The following PLEKHG5 variants were observed in gnomAD, a reference collection of about 807,000 sequenced individuals.
The protein encoded by PLEKHG5 is pleckstrin homology domain-containing family G member 5.
In PLEKHG5, 52 loss-of-function variants were observed where a neutral mutation model predicts 103.8. The ratio of observed to expected loss-of-function variants is 0.50; its 90% CI spans 0.40 to 0.63. The LOEUF is 0.63. Among genes scored for constraint, PLEKHG5 ranks in the 30% least tolerant of loss-of-function variants. PLEKHG5 has a pLI of 0.00. For missense variants in PLEKHG5, 1,205 were observed against 1,347.6 expected (o/e 0.89, Z 1.66); for synonymous variants, 592 against 575.5 (o/e 1.03, Z -0.41).
chr1:6,469,529 A>C lies in PLEKHG5; in HGVS notation c.1933+15T>G. 6.2e-7 allele frequency: 1 copy of C among 1,613,844 alleles called. No homozygotes were observed. The highest frequency in any genetic ancestry group is 8.5e-7 in the Non-Finnish European group (1 of 1,180,034). Reference sequence around the variant, plus strand: ...CACAGCCCCTGACCAGGAACAGGGGACCAGGGCTCCTTACCAGGGTCCCGT... The same window carrying C: ...CACAGCCCCTGACCAGGAACAGGGGCCCAGGGCTCCTTACCAGGGTCCCGT... On this transcript the variant is annotated intron_variant, in intron 17 of 20. Coordinates refer to ENST00000377728, the MANE Select transcript of PLEKHG5 (RefSeq NM_020631.6).
At chr1:6,489,688 C>A (rs74049590) in intron 1 of PLEKHG5, among the ~76,000 whole-genome samples, 7,916 of 152,232 alleles carry the variant, frequency 0.052, 657 homozygotes, top group African/African-American at 0.17. Flanking sequence ...AAAGAGGGCA[C>A]CTGCCTGGGC....
intron 1 of PLEKHG5, among the ~76,000 whole-genome samples, chr1:6,507,995 A>G (rs977224748): frequency 5.9e-5 from 9 of 152,108 alleles, no homozygotes; most frequent in Admixed American, 4.6e-4. Flanking sequence ...GGCCAGGGCC[A>G]GTGGGGTGGG....
In PLEKHG5 at chr1:6,467,990, G is replaced by A. The variant is rs765636442; in HGVS notation, c.2846C>T (p.Pro949Leu). Residue 949 changes from proline (P) to leucine (L), a missense_variant, in exon 20 of 21, where the codon CCT becomes CTT. Transcript: ENST00000377728. ...ACACCTCTTCCTGTGGGAGCCTGCA[G>A]GTTCCCCGGCCAGGCAGCCGACTAG... ...PGLVGCLAGE[P>L]AGSHRKRCGD... The A allele has an allele frequency of 1.0e-5, 16 of 1,555,072 alleles. No individual in the cohort carries two copies. The South Asian group carries it at 1.5e-4, about 15-fold the overall frequency.
chr1:6,478,956 A>G (rs1644831723), intron 1 of PLEKHG5, among the ~76,000 whole-genome samples: 1 of 151,798 alleles, frequency 6.6e-6, no homozygotes, highest in South Asian at 2.1e-4. Flanking sequence ...GTTTTAAAAT[A>G]TTTCAAACCT....
intron 5 of PLEKHG5, 181 bp downstream of exon 5, chr1:6,474,866 A>T: frequency 1.4e-6 from 1 of 710,590 alleles, no homozygotes; most frequent in Non-Finnish European, 2.6e-6. Flanking sequence ...AAGTACACAG[A>T]CCCCACCGCA....
rs973755260 is a variant in PLEKHG5 at position 6,491,500 on chromosome 1, C to T, written c.-88+137G>A. On this transcript the variant is annotated intron_variant, in intron 1 of 20. Transcript: ENST00000377728. The surrounding 1 kb of genome is among the most constrained non-coding windows in gnomAD (Gnocchi z 4.1). Reference sequence around the variant, plus strand: ...CCCGTTTCTTCAGCTGCAGATAGCCCCACCACCTCTCTCCGGGGACCAGTC... The same window carrying T: ...CCCGTTTCTTCAGCTGCAGATAGCCTCACCACCTCTCTCCGGGGACCAGTC... The T allele has an allele frequency of 1.3e-5, 3 of 224,482 alleles. No homozygotes were observed. Among genetic ancestry groups the T allele is most frequent in the African/African-American group, 2.4e-5 (1 of 42,468 alleles). The allele number at this position is 224,482 out of a possible 1,614,324, so 13.9% of individuals were successfully genotyped here.
chr1:6,517,846 G>T (rs1638665329), intron 1 of PLEKHG5, among the ~76,000 whole-genome samples: 1 of 152,224 alleles, frequency 6.6e-6, no homozygotes, highest in Non-Finnish European at 1.5e-5. Flanking sequence ...CCCAGACCAG[G>T]CTCCAACTCG....
upstream of PLEKHG5, among the ~76,000 whole-genome samples, chr1:6,501,223 C>T (rs913209664): frequency 5.3e-5 from 8 of 152,134 alleles, no homozygotes; most frequent in South Asian, 2.1e-4. The surrounding 1 kb of genome is among the most constrained non-coding windows in gnomAD (Gnocchi z 4.3). Flanking sequence ...GTCGCCCCAC[C>T]GCAGGCCCCT....
intron 1 of PLEKHG5, among the ~76,000 whole-genome samples, chr1:6,507,618 C>T (rs764727652): frequency 3.3e-5 from 5 of 151,802 alleles, no homozygotes; most frequent in Admixed American, 6.6e-5. Flanking sequence ...GCTCTGTTTC[C>T]GGGGGGCGGG....
In PLEKHG5 at chr1:6,490,962, A is replaced by G. The variant is rs1645142023; in HGVS notation, c.-88+675T>C. Among the ~76,000 whole-genome samples, 1 of 152,150 alleles carries G rather than the reference A, an allele frequency of 6.6e-6. No homozygotes were observed. The highest frequency in any genetic ancestry group is 1.5e-5 in the Non-Finnish European group (1 of 68,016). ...AAAAGCCCCGGGGGACCAGGCAGAG[A>G]GACCCGCAGGCCTAGCCCGCCCCGG... is the stretch of plus-strand genomic sequence containing the variant. On this transcript the variant is annotated intron_variant, in intron 1 of 20. Transcript: ENST00000377728. The surrounding 1 kb of genome is among the most constrained non-coding windows in gnomAD (Gnocchi z 8.0).
At position 6,487,148 on chromosome 1, in the gene PLEKHG5, C is replaced by T. The variant is rs187582449; in HGVS notation, c.-88+4489G>A. Reference sequence around the variant, plus strand: ...TGTTTGTTTTTGAGACGGAATCTTGCTCTGTCACTCACGTTGGAGTGCAGT... The same window carrying T: ...TGTTTGTTTTTGAGACGGAATCTTGTTCTGTCACTCACGTTGGAGTGCAGT... On this transcript the variant is annotated intron_variant, in intron 1 of 20. Transcript: ENST00000377728. This position sits in a 1 kb window ranked among gnomAD's most constrained non-coding sequence, Gnocchi z 4.1. 8.5e-5 allele frequency among the ~76,000 whole-genome samples: 13 copies of T among 152,214 alleles called. No individual in the cohort carries two copies. The highest frequency in any genetic ancestry group is 1.8e-4 in the Non-Finnish European group (12 of 68,040).
chr1:6,467,447 C>G lies in PLEKHG5; in HGVS notation c.*116G>C. ...GCCCGGGCGTAGGCAGGGATCCTGC[C>G]CAGCATCCGGCTCATGCATACAGGA... is the stretch of plus-strand genomic sequence containing the variant. On this transcript the variant is annotated 3_prime_UTR_variant, in exon 21 of 21. Coordinates refer to ENST00000377728, the MANE Select transcript of PLEKHG5 (RefSeq NM_020631.6). The G allele has an allele frequency of 9.3e-7, 1 of 1,076,082 alleles. No individual in the cohort carries two copies. Among genetic ancestry groups the G allele is most frequent in the Non-Finnish European group, 1.4e-6 (1 of 691,684 alleles). The allele number at this position is 1,076,082 out of a possible 1,614,324, so 66.7% of individuals were successfully genotyped here. A position where few individuals can be genotyped will look rare whatever the true frequency, so the allele number is the denominator to read the frequency against.
intron 1 of PLEKHG5, among the ~76,000 whole-genome samples, chr1:6,516,864 G>GT (rs1245576874): frequency 5.2e-5 from 1 of 19,366 alleles, no homozygotes; most frequent in East Asian, 1.3e-3. Context: ...GTGTATATAT[G>GT]TGTATATATA....
chr1:6,469,571 T>C lies in PLEKHG5; in HGVS notation c.1906A>G (p.Ile636Val), dbSNP rs1198946852. 1 of 1,613,834 alleles carries C rather than the reference T, an allele frequency of 6.2e-7. No homozygotes were observed. Among genetic ancestry groups the C allele is most frequent in the South Asian group, 1.1e-5 (1 of 91,078 alleles). ...VIRPPLLVDKIVCRELRDPGS... is the reference protein window; with the variant it reads ...VIRPPLLVDKVVCRELRDPGS... ...GGGTCCCGTAGCTCCCGGCACACAA[T>C]CTTGTCCACGAGCAGGGGTGGCCTG... Residue 636 changes from isoleucine to valine, a missense_variant, in exon 17 of 21, where the codon ATT becomes GTT. Transcript: ENST00000377728.
At position 6,468,444 on chromosome 1, in the gene PLEKHG5, G is replaced by A. The variant is rs1644463346; in HGVS notation, c.2392C>T (p.Pro798Ser). ...CCCAGGGGCAGCAGCTCACTGGTGGGCGTGGCAGATGAGGCAGTGGTGCTG... is the reference window on the plus strand; with the variant it reads ...CCCAGGGGCAGCAGCTCACTGGTGGACGTGGCAGATGAGGCAGTGGTGCTG... ...SLSTTASSAT[P>S]TSELLPLGPV... Residue 798 changes from proline to serine, a missense_variant, in exon 20 of 21, where the codon CCC becomes TCC. Coordinates refer to ENST00000377728, the MANE Select transcript of PLEKHG5 (RefSeq NM_020631.6). The A allele has an allele frequency of 1.2e-6, 2 of 1,612,928 alleles. No homozygotes were observed. Among genetic ancestry groups the A allele is most frequent in the Non-Finnish European group, 8.5e-7 (1 of 1,179,824 alleles).
At chr1:6,483,763 C>T (rs940004137) in intron 1 of PLEKHG5, among the ~76,000 whole-genome samples, 1 of 152,268 alleles carries the variant, frequency 6.6e-6, no homozygotes, top group Admixed American at 6.5e-5. Context: ...CTGAGAGAAA[C>T]ATCAGGCTTT....
chr1:6,478,842 C>A (rs984298605), intron 1 of PLEKHG5, among the ~76,000 whole-genome samples: 2 of 152,152 alleles, frequency 1.3e-5, no homozygotes, highest in African/African-American at 4.8e-5. Flanking sequence ...CGGAGTTTCA[C>A]CATGTTGGCC....
intron 1 of PLEKHG5, among the ~76,000 whole-genome samples, chr1:6,509,975 G>A (rs1466905073): frequency 6.6e-6 from 1 of 152,128 alleles, no homozygotes; most frequent in Non-Finnish European, 1.5e-5. Flanking sequence ...TGGACCCCAG[G>A]GCCCCAGGTG....
chr1:6,473,891 G>A (rs1644673231), intron 7 of PLEKHG5, 122 bp downstream of exon 7: 2 of 978,386 alleles, frequency 2.0e-6, no homozygotes, highest in South Asian at 3.3e-5. Context: ...TTTCCAGAAG[G>A]GACAATTAAA....
Sources: gnomAD v4.1 joint callset for allele counts (sites outside exome capture counted in the v4.1 genomes callset) on GRCh38, gnomAD v4.1.1 for gene constraint, Gnocchi (gnomAD v3.1) non-coding constraint, MANE v1.5 for transcripts, NCBI Gene and HGNC (gene_info 2026-07-23, HGNC 2026-07-21) for gene names.